BCL9L: variants seen among roughly 807,000 people sequenced by gnomAD.
BCL9L encodes the protein BCL9 like.
Under a neutral mutation model 99.4 loss-of-function variants are expected in BCL9L, and 19 were observed. That is an observed-to-expected ratio of 0.19 (90% CI 0.13 to 0.28). The LOEUF is 0.28. Ranked by LOEUF, BCL9L falls within the 10% of genes least tolerant of loss-of-function variation. The probability of loss-of-function intolerance (pLI) is 1.00; values close to 1 mark genes in which losing one functional copy is unlikely to be tolerated. For missense variants in BCL9L, 2,023 were observed against 2,101.6 expected (o/e 0.96, Z 0.73); for synonymous variants, 900 against 854.8 (o/e 1.05, Z -0.92).
At chr11:118,909,416 G>A (rs569574614) in intron 3 of BCL9L, among the ~76,000 whole-genome samples, 4 of 152,242 alleles carry the variant, frequency 2.6e-5, no homozygotes, top group African/African-American at 9.6e-5. Flanking sequence ...TCACATCACG[G>A]GAGAGGATAT....
rs1000223467 is a variant in BCL9L, at chr11:118,902,818, G to C, written c.925C>G (p.Pro309Ala). 1.3e-6 allele frequency: 2 copies of C among 1,550,910 alleles called. No individual in the cohort carries two copies. The highest frequency in any genetic ancestry group is 1.7e-6 in the Non-Finnish European group (2 of 1,155,212). ...PQSQPPPLPP[P>A]PPPAPGSAPP... ...GCACTGCCAGGGGCCGGGGGTGGCGGCGGCGGCAGTGGAGGTGGCTGGGAC... is the reference window on the plus strand; with the variant it reads ...GCACTGCCAGGGGCCGGGGGTGGCGCCGGCGGCAGTGGAGGTGGCTGGGAC... The change falls in exon 8 of 10, where the codon CCG becomes GCG. Residue 309 changes from proline to alanine, a missense_variant. Transcript: ENST00000683865. This position sits in a 1 kb window ranked among gnomAD's most constrained non-coding sequence, Gnocchi z 7.8.
intron 5 of BCL9L, among the ~76,000 whole-genome samples, chr11:118,904,477 C>G (rs902165103): frequency 2.6e-5 from 4 of 152,034 alleles, no homozygotes; most frequent in Non-Finnish European, 5.9e-5. Context: ...AAAGAAAAAA[C>G]AGTTAGAAAA....
At chr11:118,923,535 C>G (rs1403799215) in intron 1 of BCL9L, among the ~76,000 whole-genome samples, 1 of 152,184 alleles carries the variant, frequency 6.6e-6, no homozygotes, top group African/African-American at 2.4e-5. Flanking sequence ...CTCTCCGGTC[C>G]CATGACTCCC....
intron 2 of BCL9L, among the ~76,000 whole-genome samples, chr11:118,913,443 C>T (rs1427198276): frequency 1.3e-5 from 2 of 152,208 alleles, no homozygotes; most frequent in East Asian, 1.9e-4. Context: ...GGTCACCTCA[C>T]TTCTCTTGGC....
rs746404863 is a variant in BCL9L, at chr11:118,900,017, G to C, written c.3306C>G (p.Leu1102=). 1.0e-4 allele frequency: 161 copies of C among 1,613,980 alleles called. No individual in the cohort carries two copies. Among genetic ancestry groups the C allele is most frequent in the Middle Eastern group, 1.6e-4 (1 of 6,084 alleles). Residue 1102 remains leucine (L), a synonymous_variant, in exon 9 of 10, where the codon CTC becomes CTG. Transcript: ENST00000683865. The surrounding 1 kb of genome is among the most constrained non-coding windows in gnomAD (Gnocchi z 5.3). ...CGATGGTCTTGATGGCATTGTGGTA[G>C]AGCGGGGTGGAGCTGGGCATGGCGT... is the stretch of plus-strand genomic sequence containing the variant. ...SKYAMPSSTP[L]YHNAIKTIAT...
Position 118,910,704 on chromosome 11 carries a change from A to G in BCL9L, c.-76-689T>C, listed in dbSNP as rs927799429. On this transcript the variant is annotated intron_variant, in intron 2 of 9. Transcript: ENST00000683865. ...GCGAGGCAGCGAGCGGGAGGCGGAC[A>G]GGACTGCAGCGTGCTTCTCCAGGCC... The G allele has an allele frequency of 8.5e-5, 13 of 152,802 alleles. No homozygotes were observed. The Middle Eastern group carries it at 1.7e-3, about 20-fold the overall frequency. The allele number at this position is 152,802 out of a possible 1,614,324, so 9.5% of individuals were successfully genotyped here. A position where few individuals can be genotyped will look rare whatever the true frequency, so the allele number is the denominator to read the frequency against.
At chr11:118,911,226 TC>T (rs1336037418) in intron 2 of BCL9L, 1 of 455,726 alleles carries the variant, frequency 2.2e-6, no homozygotes, top group East Asian at 7.0e-5. Flanking sequence ...CAGCAGCCGA[TC>T]CCGGTCAAAG....
intron 5 of BCL9L, among the ~76,000 whole-genome samples, chr11:118,905,985 G>A (rs1940504196): frequency 1.3e-5 from 2 of 152,148 alleles, no homozygotes. Flanking sequence ...AAGGCATGAG[G>A]ATCGCTTGAG....
chr11:118,915,944 G>A lies in BCL9L; in HGVS notation c.-77+2882C>T, dbSNP rs561926500. On this transcript the variant is annotated intron_variant, in intron 2 of 9. Transcript: ENST00000683865. ...TAACAAGGCCCTAAAAATAACCTGC[G>A]CCCAGCAGGACCCACTGATCGGAAC... is the stretch of plus-strand genomic sequence containing the variant. Among the ~76,000 whole-genome samples, 11 of 152,284 alleles carry A rather than the reference G, an allele frequency of 7.2e-5. No homozygotes were observed. The East Asian group carries it at 9.6e-4, about 13-fold the overall frequency.
intron 4 of BCL9L, 35 bp from the exon 5 acceptor site, chr11:118,907,637 T>C: frequency 6.2e-7 from 1 of 1,604,908 alleles, no homozygotes. Flanking sequence ...AGTGAGTGCC[T>C]AGAGGCCCCA....
In BCL9L at chr11:118,898,659, C is replaced by T. The variant is rs1230523847; in HGVS notation, c.4256G>A (p.Gly1419Glu). The T allele has an allele frequency of 6.2e-7, 1 of 1,611,568 alleles. No individual in the cohort carries two copies. Among genetic ancestry groups the T allele is most frequent in the Non-Finnish European group, 8.5e-7 (1 of 1,179,088 alleles). The change falls in exon 10 of 10, where the codon GGG (glycine) becomes GAG (glutamate). Residue 1419 changes from glycine (G) to glutamate (E), a missense_variant. By Grantham distance (98) the Gly-to-Glu change is moderately conservative (BLOSUM62 -2). Around this residue, in one of 3 missense-constraint regions of BCL9L, gnomAD observed 902 missense variants for 888.2 expected, o/e 1.02. Transcript: ENST00000683865. ...QGMVPHGLHQGVMSPPQGLMT... is the reference protein window; with the variant it reads ...QGMVPHGLHQEVMSPPQGLMT... ...GAGGCCTTGTGGAGGGGACATGACCCCCTGGTGCAGGCCATGGGGCACCAT... is the reference window on the plus strand; with the variant it reads ...GAGGCCTTGTGGAGGGGACATGACCTCCTGGTGCAGGCCATGGGGCACCAT...
In BCL9L at chr11:118,900,695, G is replaced by T; in HGVS notation, c.3048C>A (p.Pro1016=). 2 of 1,613,870 alleles carry T rather than the reference G, an allele frequency of 1.2e-6. No individual in the cohort carries two copies. Among genetic ancestry groups the T allele is most frequent in the Non-Finnish European group, 1.7e-6 (2 of 1,180,014 alleles). The part of the protein sequence containing the change: ...GWVASPKTAM[P]SPGVSQNKQP... ...GCTTGTTCTGGGAGACCCCCGGGCT[G>T]GGCATGGCCGTCTTAGGTGAGGCAA... The change falls in exon 8 of 10, where the codon CCC becomes CCA. Residue 1016 remains proline (P), a synonymous_variant. Transcript: ENST00000683865. The surrounding 1 kb of genome is among the most constrained non-coding windows in gnomAD (Gnocchi z 5.3).
Position 118,911,792 on chromosome 11 carries a change from A to G in BCL9L, c.-76-1777T>C, listed in dbSNP as rs189605802. On this transcript the variant is annotated intron_variant, in intron 2 of 9. Transcript: ENST00000683865. ...CACGCCAGCCATGACTGCTCCTCTG[A>G]GCCTGCATCAGATAGTTGGGCTTCC... Among the ~76,000 whole-genome samples, 7 of 152,326 alleles carry G rather than the reference A, an allele frequency of 4.6e-5. No homozygotes were observed. In the East Asian group the frequency reaches 7.7e-4, roughly 17 times the overall value.
chr11:118,905,530 A>AG (rs1940477096), intron 5 of BCL9L, among the ~76,000 whole-genome samples: 1 of 150,226 alleles, frequency 6.7e-6, no homozygotes, highest in African/African-American at 2.5e-5. Context: ...AAAAAAAAAA[A>AG]AAAGAATCAG....
Position 118,901,214 on chromosome 11 carries a change from G to A in BCL9L, c.2529C>T (p.Asn843=). 1 of 1,614,034 alleles carries A rather than the reference G, an allele frequency of 6.2e-7. No homozygotes were observed. Among genetic ancestry groups the A allele is most frequent in the Non-Finnish European group, 8.5e-7 (1 of 1,179,962 alleles). The change falls in exon 8 of 10, where the codon AAC becomes AAT. Residue 843 remains asparagine (N), a synonymous_variant. Coordinates refer to ENST00000683865, the MANE Select transcript of BCL9L (RefSeq NM_001378213.1). The surrounding 1 kb of genome is among the most constrained non-coding windows in gnomAD (Gnocchi z 6.6). ...CTCCAGAGAATCCCTGCTGGCCCTGGTTGGGAAACTGTGAAGGCATCAGCA... is the reference window on the plus strand; with the variant it reads ...CTCCAGAGAATCCCTGCTGGCCCTGATTGGGAAACTGTGAAGGCATCAGCA... ...QKMLMPSQFP[N]QGQQGFSGGQ... is the part of the protein sequence containing the mutation.
intron 5 of BCL9L, among the ~76,000 whole-genome samples, chr11:118,906,109 A>G (rs1485080253): frequency 6.6e-6 from 1 of 151,336 alleles, no homozygotes; most frequent in Non-Finnish European, 1.5e-5. Context: ...TGGGAGGATC[A>G]CTTGAGCTCA....
At position 118,903,122 on chromosome 11, in the gene BCL9L, A is replaced by C; in HGVS notation, c.750-48T>G. 1.9e-6 allele frequency: 3 copies of C among 1,549,394 alleles called. No homozygotes were observed. Among genetic ancestry groups the C allele is most frequent in the Non-Finnish European group, 2.6e-6 (3 of 1,150,322 alleles). On this transcript the variant is annotated intron_variant, in intron 6 of 9. Transcript: ENST00000683865. The surrounding 1 kb of genome is among the most constrained non-coding windows in gnomAD (Gnocchi z 5.6). ...CAGCTCAGAGAGGTGAGCAGGAGGG[A>C]GCCCCACCCTCACCCACCCCACCCT...
At chr11:118,907,287 G>C (rs547862226) in intron 5 of BCL9L, among the ~76,000 whole-genome samples, 196 bp downstream of exon 5, 12 of 152,328 alleles carry the variant, frequency 7.9e-5, no homozygotes, top group African/African-American at 2.4e-4. Context: ...GGGTCCCTAG[G>C]GAGAGGGGGT....
chr11:118,898,143 G>C lies in BCL9L; in HGVS notation c.*272C>G. 1 of 577,420 alleles carries C rather than the reference G, an allele frequency of 1.7e-6. No individual in the cohort carries two copies. The highest frequency in any genetic ancestry group is 3.1e-6 in the Non-Finnish European group (1 of 323,970). 35.8% of individuals were successfully genotyped at this position (577,420 alleles called of 1,614,324 possible). ...GATGCACGGAAAGAGGTAAAATAGA[G>C]AGGCTCCATAGGAATTGGGAGGAGT... is the stretch of plus-strand genomic sequence containing the variant. On this transcript the variant is annotated 3_prime_UTR_variant, in exon 10 of 10. Transcript: ENST00000683865.
Sources: allele counts gnomAD v4.1 joint callset (sites outside exome capture counted in the v4.1 genomes callset), GRCh38; gene constraint gnomAD v4.1.1; regional missense constraint gnomAD v4.1.1; non-coding constraint Gnocchi (gnomAD v3.1); transcripts MANE v1.5; gene names NCBI Gene and HGNC (gene_info 2026-07-23, HGNC 2026-07-21).